Variants in ZDHHC23 observed in about 807,000 individuals in gnomAD.
The protein encoded by ZDHHC23 is palmitoyltransferase ZDHHC23.
Under a neutral mutation model 40.2 loss-of-function variants are expected in ZDHHC23, and 41 were observed. The observed-to-expected ratio is 1.02, with a 90% CI of 0.79 to 1.32. The LOEUF is 1.32. ZDHHC23 is among the 40% of genes most tolerant of loss of function. The pLI is 0.00. For missense variants in ZDHHC23, 471 were observed against 541.5 expected, an observed-to-expected ratio of 0.87 and a Z score of 1.29; for synonymous variants, 204 against 210.2, an observed-to-expected ratio of 0.97 and a Z score of 0.26.
the ZDHHC23 span, among the ~76,000 whole-genome samples, chr3:113,975,890 G>A: frequency 6.6e-6 from 1 of 152,190 alleles, no homozygotes; most frequent in Non-Finnish European, 1.5e-5. Context: ...TTTGGTTCTT[G>A]TTGATTGCAT....
In ZDHHC23 at chr3:113,958,757, A is replaced by C; in HGVS notation, c.*127A>C. On this transcript the variant is annotated 3_prime_UTR_variant, in exon 5 of 5. Transcript: ENST00000638807. ...ATTATAGGGCCATGCTCAGGTTTAG[A>C]GACTGGAGTGGGAAGAAGTTAATTT... The C allele has an allele frequency of 6.4e-7, 1 of 1,571,322 alleles. No individual in the cohort carries two copies.
chr3:113,948,662 C>T (rs577155731), intron 1 of ZDHHC23, 24 bp from the exon 2 acceptor site: 26 of 988,034 alleles, frequency 2.6e-5, no homozygotes, highest in Non-Finnish European at 3.7e-5. Context: ...CTCCCCCTCT[C>T]TCTTCTCATT....
In ZDHHC23 at chr3:113,952,059, C is replaced by T. The variant is rs139645431; in HGVS notation, c.162-1641C>T. ...GGCTGAAGTAGGAGAATCGCTTGAA[C>T]TCAGGAGGTGGAGGTTGCGGTGAGC... On this transcript the variant is annotated intron_variant, in intron 2 of 4. Coordinates refer to ENST00000638807, the MANE Select transcript of ZDHHC23 (RefSeq NM_001320466.2). Among the ~76,000 whole-genome samples the T allele has an allele frequency of 7.9e-3, 1,206 of 152,176 alleles. 13 individuals are homozygous for T. Among genetic ancestry groups the T allele is most frequent in the African/African-American group, 0.027 (1,136 of 41,506 alleles).
At chr3:113,975,096 T>C in the ZDHHC23 span, among the ~76,000 whole-genome samples, 3 of 152,204 alleles carry the variant, frequency 2.0e-5, no homozygotes, top group African/African-American at 7.2e-5. Flanking sequence ...ATGCATTTTC[T>C]GGGGTGTAGG....
chr3:113,949,027 T>G, intron 2 of ZDHHC23, 64 bp downstream of exon 2: 4 of 1,586,910 alleles, frequency 2.5e-6, no homozygotes, highest in Non-Finnish European at 3.4e-6. Flanking sequence ...ATGTGTACTT[T>G]CAACCTAGCC....
the ZDHHC23 span, chr3:113,978,703 C>T: frequency 1.3e-6 from 1 of 799,874 alleles, no homozygotes; most frequent in Non-Finnish European, 2.0e-6. Context: ...ACTGATTTAC[C>T]ATTTTCACAT....
At chr3:113,953,364 A>G (rs1479803903) in intron 2 of ZDHHC23, among the ~76,000 whole-genome samples, 1 of 152,208 alleles carries the variant, frequency 6.6e-6, no homozygotes, top group African/African-American at 2.4e-5. Flanking sequence ...AATAGTTCTT[A>G]AATTCCCATG....
At chr3:113,954,525 G>A (rs1464374879) in intron 3 of ZDHHC23, 115 bp downstream of exon 3, 3 of 986,714 alleles carry the variant, frequency 3.0e-6, no homozygotes, top group African/African-American at 3.3e-5. Context: ...TTTACACCTT[G>A]TAGATATTTG....
Position 113,953,844 on chromosome 3 carries a change from C to A in ZDHHC23, c.306C>A (p.Phe102Leu), listed in dbSNP as rs988851025. The A allele has an allele frequency of 6.2e-7, 1 of 1,614,218 alleles. No homozygotes were observed. The highest frequency in any genetic ancestry group is 8.5e-7 in the Non-Finnish European group (1 of 1,180,040). The change falls in exon 3 of 5, where the codon TTC (phenylalanine) becomes TTA (leucine). Residue 102 changes from phenylalanine (F) to leucine (L), a missense_variant. Coordinates refer to ENST00000638807, the MANE Select transcript of ZDHHC23 (RefSeq NM_001320466.2). ...IIPPLVLLPVFLHVASWHFLL... is the reference protein window; with the variant it reads ...IIPPLVLLPVLLHVASWHFLL... ...CTCCGCTTGTCCTGCTGCCTGTCTT[C>A]CTTCATGTGGCTTCCTGGCATTTCC...
rs893248319 is a variant in ZDHHC23 at position 113,959,142 on chromosome 3, A to G, written c.*512A>G. 7 of 1,021,138 alleles carry G rather than the reference A, an allele frequency of 6.9e-6. No homozygotes were observed. The highest frequency in any genetic ancestry group is 8.4e-6 in the Non-Finnish European group (7 of 829,208). 63.3% of individuals were successfully genotyped at this position (1,021,138 alleles called of 1,614,324 possible). ...GTGGAAAGCACTAAAAAACAACTCA[A>G]GAGCCATGGAAATACAAAGTATTAG... On this transcript the variant is annotated 3_prime_UTR_variant, in exon 5 of 5. Transcript: ENST00000638807.
Position 113,958,908 on chromosome 3 carries a change from AATTG to A in ZDHHC23, c.*281_*284del. The A allele has an allele frequency of 8.0e-7, 1 of 1,256,696 alleles. No homozygotes were observed. 77.8% of individuals were successfully genotyped at this position (1,256,696 alleles called of 1,614,324 possible). ...GAAGGATGTGGATTGCTAATGCACA[AATTG>A]ATAGAAGCAATTCCCATCCATTAGT... On this transcript the variant is annotated 3_prime_UTR_variant, in exon 5 of 5. Coordinates refer to ENST00000638807, the MANE Select transcript of ZDHHC23 (RefSeq NM_001320466.2).
the ZDHHC23 span, among the ~76,000 whole-genome samples, chr3:113,971,466 G>GTGAT: frequency 3.9e-5 from 6 of 152,264 alleles, no homozygotes; most frequent in East Asian, 1.2e-3. Context: ...TTCTGTTAAT[G>GTGAT]TGATGTATCA....
At position 113,958,647 on chromosome 3, in the gene ZDHHC23, C is replaced by G. The variant is rs757801014; in HGVS notation, c.*17C>G. On this transcript the variant is annotated 3_prime_UTR_variant, in exon 5 of 5. Coordinates refer to ENST00000638807, the MANE Select transcript of ZDHHC23 (RefSeq NM_001320466.2). The stretch of plus-strand genomic sequence containing the variant: ...ATTGTCTGAAGTGCCTTCTATGTGG[C>G]TCTCTGAGGGATGATGGCTCCTCCT... 27 of 1,593,964 alleles carry G rather than the reference C, an allele frequency of 1.7e-5. No homozygotes were observed. Among genetic ancestry groups the G allele is most frequent in the Non-Finnish European group, 1.8e-5 (21 of 1,177,350 alleles).
chr3:113,960,553 C>G lies in ZDHHC23; in HGVS notation c.*1923C>G, dbSNP rs1161060996. 2 of 1,449,506 alleles carry G rather than the reference C, an allele frequency of 1.4e-6. No homozygotes were observed. The highest frequency in any genetic ancestry group is 1.8e-6 in the Non-Finnish European group (2 of 1,108,456). 89.8% of individuals were successfully genotyped at this position (1,449,506 alleles called of 1,614,324 possible). A position where few individuals can be genotyped will look rare whatever the true frequency, so the allele number is the denominator to read the frequency against. ...CAACTCTGATTATCTAGCCATTGAT[C>G]ATACAAATTGATAGAAACATTAGTC... On this transcript the variant is annotated 3_prime_UTR_variant, in exon 5 of 5. Transcript: ENST00000638807.
In ZDHHC23 at chr3:113,948,701, C is replaced by CAG. The variant is rs138085158; in HGVS notation, c.-91_-90dup. ...GATTGCTCAGGCGTTGGAGGTTAAG[C>CAG]AGAGAGAGAGAGGCGTGGACCTATT... On this transcript the variant is annotated 5_prime_UTR_variant, in exon 2 of 5. Transcript: ENST00000638807. 85 of 1,365,226 alleles carry CAG rather than the reference C, an allele frequency of 6.2e-5. No homozygotes were observed. Among genetic ancestry groups the CAG allele is most frequent in the African/African-American group, 1.6e-4 (11 of 69,022 alleles). 84.6% of individuals were successfully genotyped at this position (1,365,226 alleles called of 1,614,324 possible). A position where few individuals can be genotyped will look rare whatever the true frequency, so the allele number is the denominator to read the frequency against.
intron 3 of ZDHHC23, 42 bp downstream of exon 3, chr3:113,954,452 T>C: frequency 6.8e-7 from 1 of 1,478,972 alleles, no homozygotes; most frequent in Non-Finnish European, 9.0e-7. Context: ...TGTAAATTCA[T>C]GTAAAACTCT....
At position 113,959,371 on chromosome 3, in the gene ZDHHC23, TATAAAG is replaced by T. The variant is rs770551927; in HGVS notation, c.*746_*751del. ...TCTTGAAAAGACAGTTGACAACAGT[TATAAAG>T]ATAATTATTGCTAGTGTAATGTAGT... On this transcript the variant is annotated 3_prime_UTR_variant, in exon 5 of 5. Coordinates refer to ENST00000638807, the MANE Select transcript of ZDHHC23 (RefSeq NM_001320466.2). 3 of 1,130,968 alleles carry T rather than the reference TATAAAG, an allele frequency of 2.7e-6. No homozygotes were observed. The highest frequency in any genetic ancestry group is 2.0e-5 in the South Asian group (1 of 50,306). 70.1% of individuals were successfully genotyped at this position (1,130,968 alleles called of 1,614,324 possible). A position where few individuals can be genotyped will look rare whatever the true frequency, so the allele number is the denominator to read the frequency against.
At chr3:113,958,211 A>G (rs368167001) in intron 4 of ZDHHC23, 152 bp from the exon 5 acceptor site, 18 of 656,814 alleles carry the variant, frequency 2.7e-5, no homozygotes, top group East Asian at 1.6e-4. Flanking sequence ...TAAGCAGGTT[A>G]TTGGCATTCT....
In ZDHHC23 at chr3:113,958,790, G is replaced by A. The variant is rs1229363379; in HGVS notation, c.*160G>A. 31 of 1,517,376 alleles carry A rather than the reference G, an allele frequency of 2.0e-5. No homozygotes were observed. Among genetic ancestry groups the A allele is most frequent in the Admixed American group, 3.6e-5 (2 of 55,806 alleles). The allele number at this position is 1,517,376 out of a possible 1,614,324, so 94.0% of individuals were successfully genotyped here. A position where few individuals can be genotyped will look rare whatever the true frequency, so the allele number is the denominator to read the frequency against. On this transcript the variant is annotated 3_prime_UTR_variant, in exon 5 of 5. Transcript: ENST00000638807. Reference sequence around the variant, plus strand: ...GTGGGAAGAAGTTAATTTTTCTGACGCCACAACTTAAGAGACTTTTATACT... The same window carrying A: ...GTGGGAAGAAGTTAATTTTTCTGACACCACAACTTAAGAGACTTTTATACT...
Sources: gnomAD v4.1 joint callset for allele counts (sites outside exome capture counted in the v4.1 genomes callset) on GRCh38, gnomAD v4.1.1 for gene constraint, MANE v1.5 for transcripts, NCBI Gene and HGNC (gene_info 2026-07-23, HGNC 2026-07-21) for gene names.